LOC400499: variants seen among roughly 807,000 people sequenced by gnomAD.
At chr16:11,433,433 T>A in the LOC400499 span, among the ~76,000 whole-genome samples, 2 of 152,314 alleles carry the variant, frequency 1.3e-5, no homozygotes, top group African/African-American at 4.8e-5. Context: ...GGAGACCCAA[T>A]TTGTACCAGA....
chr16:11,498,721 T>C, the LOC400499 span, among the ~76,000 whole-genome samples: 100,762 of 150,806 alleles, frequency 0.67, 33,740 homozygotes, highest in Admixed American at 0.74. Flanking sequence ...GGCCTGCACA[T>C]GGAACATCAC....
chr16:11,472,882 C>CTG, the LOC400499 span: 1 of 152,108 alleles, frequency 6.6e-6, no homozygotes. Flanking sequence ...AATCCCAGAA[C>CTG]TGTGGGAGGC....
At chr16:11,436,436 G>A in the LOC400499 span, among the ~76,000 whole-genome samples, 1 of 152,076 alleles carries the variant, frequency 6.6e-6, no homozygotes, top group African/African-American at 2.4e-5. Context: ...GTGGAGGGTG[G>A]GAGCAGAGAG....
chr16:11,497,108 G>A, the LOC400499 span, among the ~76,000 whole-genome samples: 1 of 152,176 alleles, frequency 6.6e-6, no homozygotes, highest in African/African-American at 2.4e-5. Flanking sequence ...CTTGGTGTGA[G>A]CCTGTGTCAG....
the LOC400499 span, among the ~76,000 whole-genome samples, chr16:11,507,640 G>A: frequency 1.4e-4 from 21 of 152,228 alleles, no homozygotes; most frequent in Admixed American, 1.1e-3. Context: ...CAATTAAACT[G>A]TAAAGCCCTG....
chr16:11,485,409 G>C, the LOC400499 span, among the ~76,000 whole-genome samples: 1 of 152,258 alleles, frequency 6.6e-6, no homozygotes, highest in South Asian at 2.1e-4. Flanking sequence ...ACTGGAATGT[G>C]TGTCTTCCTC....
At chr16:11,475,569 C>G in the LOC400499 span, 1 of 398,476 alleles carries the variant, frequency 2.5e-6, no homozygotes, top group Non-Finnish European at 4.4e-6. Context: ...GCATTTTTCC[C>G]TTCAACCCTG....
the LOC400499 span, among the ~76,000 whole-genome samples, chr16:11,456,122 G>A: frequency 1.6e-3 from 239 of 150,580 alleles, no homozygotes; most frequent in African/African-American, 5.5e-3. Context: ...TCTGCTCACC[G>A]AAACCTCCGC....
At chr16:11,392,990 A>T in the LOC400499 span, among the ~76,000 whole-genome samples, 2 of 151,944 alleles carry the variant, frequency 1.3e-5, no homozygotes, top group Admixed American at 1.3e-4. Flanking sequence ...AGTAGCTGGG[A>T]ACTACAGGCA....
At chr16:11,374,572 T>C in the LOC400499 span, among the ~76,000 whole-genome samples, 1 of 152,220 alleles carries the variant, frequency 6.6e-6, no homozygotes, top group Non-Finnish European at 1.5e-5. Flanking sequence ...ATAAGTGGAC[T>C]CATACAGTAC....
At chr16:11,410,899 A>T in the LOC400499 span, among the ~76,000 whole-genome samples, 1 of 152,224 alleles carries the variant, frequency 6.6e-6, no homozygotes, top group African/African-American at 2.4e-5. Context: ...GATGGGGGTG[A>T]CGCTGGCTCA....
At chr16:11,398,240 T>G in the LOC400499 span, 1 of 995,480 alleles carries the variant, frequency 1.0e-6, no homozygotes, top group Non-Finnish European at 1.3e-6. Flanking sequence ...TGGTGGCGTC[T>G]GGCTGCCTCG....
At chr16:11,526,429 A>C in the LOC400499 span, among the ~76,000 whole-genome samples, 1 of 152,362 alleles carries the variant, frequency 6.6e-6, no homozygotes, top group South Asian at 2.1e-4. Context: ...AATATGTTTG[A>C]AACAACTTGG....
chr16:11,438,366 G>A, the LOC400499 span, among the ~76,000 whole-genome samples: 1 of 152,146 alleles, frequency 6.6e-6, no homozygotes, highest in Non-Finnish European at 1.5e-5. Flanking sequence ...ATCAACCTGT[G>A]AAAGCTCATG....
the LOC400499 span, among the ~76,000 whole-genome samples, chr16:11,495,846 A>G: frequency 1.3e-5 from 2 of 152,206 alleles, no homozygotes; most frequent in African/African-American, 4.8e-5. Flanking sequence ...GGTAGCCCAC[A>G]GCTATAGATA....
At chr16:11,425,441 G>C in the LOC400499 span, 4 of 399,094 alleles carry the variant, frequency 1.0e-5, no homozygotes, top group African/African-American at 8.2e-5. Context: ...TGCCTGCAGA[G>C]AATGGTGGAG....
chr16:11,512,678 G>A, the LOC400499 span, among the ~76,000 whole-genome samples: 2 of 152,180 alleles, frequency 1.3e-5, no homozygotes, highest in Admixed American at 1.3e-4. Context: ...AAAAACCACT[G>A]AAGTGTACAC....
the LOC400499 span, among the ~76,000 whole-genome samples, chr16:11,419,925 A>G: frequency 6.6e-6 from 1 of 151,378 alleles, no homozygotes; most frequent in African/African-American, 2.5e-5. Flanking sequence ...AATGGCAATC[A>G]TTAAAAAGTC....
the LOC400499 span, chr16:11,491,980 C>A: frequency 2.5e-6 from 1 of 394,232 alleles, no homozygotes; most frequent in Non-Finnish European, 4.5e-6. Context: ...GGAGGCTTCC[C>A]CGACACACAC....
Sources: allele counts gnomAD v4.1 joint callset (sites outside exome capture counted in the v4.1 genomes callset), GRCh38; gene constraint gnomAD v4.1.1; transcripts MANE v1.5.